The following ZNF398 variants were observed in gnomAD, a reference collection of about 807,000 sequenced individuals.
ZNF398 encodes zinc finger DNA binding protein ZER6.
A neutral mutation model predicts 41.9 loss-of-function variants in ZNF398; 18 were observed. The observed-to-expected ratio is 0.43, with a 90% CI of 0.30 to 0.64. ZNF398 has a LOEUF of 0.64. ZNF398 is among the 30% of genes least tolerant of loss of function. ZNF398 has a pLI of 0.14. For missense variants in ZNF398, 669 were observed against 822.8 expected, an observed-to-expected ratio of 0.81 and a Z score of 2.29; for synonymous variants, 260 against 308.8, an observed-to-expected ratio of 0.84 and a Z score of 1.66.
chr7:149,149,485 A>G (rs564445489), intron 1 of ZNF398, among the ~76,000 whole-genome samples: 1 of 151,890 alleles, frequency 6.6e-6, no homozygotes, highest in Non-Finnish European at 1.5e-5. Context: ...GCCCGCTGGG[A>G]TCCAAAGTGC....
In ZNF398 at chr7:149,139,204, C is replaced by T. The variant is rs544729903; in HGVS notation, c.-490+10260C>T. Reference sequence around the variant, plus strand: ...GGATTATAGGCACAAGCCACTGCGCCCAGCCAATTTTTTTTTTTTAAGTTT... The same window carrying T: ...GGATTATAGGCACAAGCCACTGCGCTCAGCCAATTTTTTTTTTTTAAGTTT... On this transcript the variant is annotated intron_variant, in intron 2 of 6. Coordinates refer to the ZNF398 transcript ENST00000426851. Among the ~76,000 whole-genome samples, 4 of 152,118 alleles carry T rather than the reference C, an allele frequency of 2.6e-5. No homozygotes were observed. The South Asian group carries it at 8.3e-4, about 32-fold the overall frequency.
chr7:149,132,458 C>G (rs111532888), intron 2 of ZNF398, among the ~76,000 whole-genome samples: 2 of 152,002 alleles, frequency 1.3e-5, no homozygotes, highest in African/African-American at 4.8e-5. Flanking sequence ...CCTCCCAAAG[C>G]GCTGGGAATA....
In ZNF398 at chr7:149,154,289, G is replaced by T; in HGVS notation, c.369G>T (p.Arg123Ser). The T allele has an allele frequency of 6.2e-7, 1 of 1,614,058 alleles. No homozygotes were observed. Among genetic ancestry groups the T allele is most frequent in the Non-Finnish European group, 8.5e-7 (1 of 1,179,998 alleles). Residue 123 changes from arginine (R) to serine (S), a missense_variant, in exon 2 of 6, where the codon AGG becomes AGT. Arg to Ser is a moderately radical substitution (Grantham distance 110). This residue lies in a region of ZNF398 where 169 missense variants were observed against 239.5 expected (regional missense o/e 0.71). Transcript: ENST00000475153. ...LENLENLLRNRNFWILRLPPG... is the reference protein window; with the variant it reads ...LENLENLLRNSNFWILRLPPG... ...ACTTGGAGAACCTGCTGCGCAACAG[G>T]AACTTCTGGATCCTGCGGCTCCCTC...
At chr7:149,146,107 G>C (rs1370472358), upstream of ZNF398, among the ~76,000 whole-genome samples, 3 of 151,900 alleles carry the variant, frequency 2.0e-5, no homozygotes, top group African/African-American at 4.8e-5. Flanking sequence ...CACCACGCCC[G>C]GCTAATTTTT....
At chr7:149,147,057 C>G (rs1371604096), upstream of ZNF398, 1 of 152,312 alleles carries the variant, frequency 6.6e-6, no homozygotes, top group Non-Finnish European at 1.5e-5. This position sits in a 1 kb window ranked among gnomAD's most constrained non-coding sequence, Gnocchi z 5.6. Flanking sequence ...CTCCGTCACT[C>G]ATTCCACCCA....
intron 4 of ZNF398, among the ~76,000 whole-genome samples, chr7:149,167,634 C>CTTTTTTTTT (rs1163487497): frequency 7.5e-6 from 1 of 133,972 alleles, no homozygotes; most frequent in Non-Finnish European, 1.6e-5. Flanking sequence ...TTTTTCTTTT[C>CTTTTTTTTT]TTTTTTTTTT....
rs1795615289 is a variant in ZNF398 at position 149,182,553 on chromosome 7, G to C, written c.*2752G>C. On this transcript the variant is annotated 3_prime_UTR_variant, in exon 6 of 6. Transcript: ENST00000475153. ...TCAGTTAAAGAAATACATGAGAACT[G>C]CTTGTCATGACCAGACAAGATAGGA... 1 of 152,206 alleles carries C rather than the reference G, an allele frequency of 6.6e-6. No homozygotes were observed. Among genetic ancestry groups the C allele is most frequent in the East Asian group, 1.9e-4 (1 of 5,196 alleles). 9.4% of individuals were successfully genotyped at this position (152,206 alleles called of 1,614,324 possible). A position where few individuals can be genotyped will look rare whatever the true frequency, so the allele number is the denominator to read the frequency against.
At chr7:149,169,179 G>A (rs972715929) in intron 4 of ZNF398, among the ~76,000 whole-genome samples, 15 of 152,216 alleles carry the variant, frequency 9.9e-5, no homozygotes, top group Non-Finnish European at 1.6e-4. Flanking sequence ...TTTTACCATG[G>A]GTTTTCAAGA....
chr7:149,138,707 A>G (rs2129519503), intron 2 of ZNF398, among the ~76,000 whole-genome samples: 1 of 152,328 alleles, frequency 6.6e-6, no homozygotes, highest in African/African-American at 2.4e-5. Flanking sequence ...GATAAGAACC[A>G]AAATGCTTCG....
upstream of ZNF398, among the ~76,000 whole-genome samples, chr7:149,145,942 CTTTTT>C (rs34950278): frequency 3.9e-5 from 4 of 103,090 alleles, no homozygotes; most frequent in East Asian, 6.7e-4. Flanking sequence ...CTCGCAGGTC[CTTTTT>C]TTTTTTTTTT....
At chr7:149,134,117 T>A (rs1479387791) in intron 2 of ZNF398, among the ~76,000 whole-genome samples, 2 of 144,336 alleles carry the variant, frequency 1.4e-5, no homozygotes, top group Admixed American at 1.4e-4. Context: ...CAGGGTGGAG[T>A]GCAATGGTGT....
In ZNF398 at chr7:149,160,299, T is replaced by C. The variant is rs528641636; in HGVS notation, c.421-5859T>C. 6.0e-3 allele frequency among the ~76,000 whole-genome samples: 917 copies of C among 152,090 alleles called. 5 individuals are homozygous for C. Among genetic ancestry groups the C allele is most frequent in the East Asian group, 8.0e-3 (41 of 5,138 alleles). ...ACAAAAAAGTAGCCAGATGTGGTGG[T>C]GGGGGCCTGTAGTCCCAGCTACTTG... is the stretch of plus-strand genomic sequence containing the variant. On this transcript the variant is annotated intron_variant, in intron 2 of 5. Transcript: ENST00000475153.
intron 1 of ZNF398, among the ~76,000 whole-genome samples, chr7:149,127,777 A>T (rs1392589215): frequency 6.6e-6 from 1 of 152,118 alleles, no homozygotes; most frequent in Non-Finnish European, 1.5e-5. Context: ...AAGTTCTATG[A>T]ATTTTCACAT....
At chr7:149,159,231 C>A (rs979069852) in intron 2 of ZNF398, among the ~76,000 whole-genome samples, 2 of 151,888 alleles carry the variant, frequency 1.3e-5, no homozygotes, top group African/African-American at 4.8e-5. Context: ...TGTGAGCCAC[C>A]GCGCCTGGCC....
intron 2 of ZNF398, among the ~76,000 whole-genome samples, chr7:149,140,480 G>A (rs1441031808): frequency 1.3e-5 from 2 of 152,054 alleles, no homozygotes; most frequent in Non-Finnish European, 2.9e-5. Context: ...TGCCTTCCAG[G>A]TTCAAGCGAT....
intron 4 of ZNF398, among the ~76,000 whole-genome samples, chr7:149,173,093 A>ATTTTTTTT (rs71192762): frequency 1.5e-5 from 1 of 64,958 alleles, no homozygotes; most frequent in Non-Finnish European, 2.8e-5. Context: ...GGCAATTTCT[A>ATTTTTTTT]TTTTTTTTTT....
chr7:149,147,772 G>A lies in ZNF398; in HGVS notation c.24+6G>A, dbSNP rs1222548805. 1.5e-5 allele frequency: 21 copies of A among 1,393,830 alleles called. No individual in the cohort carries two copies. The highest frequency in any genetic ancestry group is 2.0e-5 in the Non-Finnish European group (21 of 1,072,000). 86.3% of individuals were successfully genotyped at this position (1,393,830 alleles called of 1,614,324 possible). A position where few individuals can be genotyped will look rare whatever the true frequency, so the allele number is the denominator to read the frequency against. ...CTGAGGCGGCCCCGGCCCCGGTAAG[G>A]GCGGCCGCGCGCGAGTGTTGTGAGC... is the stretch of plus-strand genomic sequence containing the variant. On this transcript the variant is annotated splice_donor_region_variant and intron_variant, in intron 1 of 5. Transcript: ENST00000475153. The surrounding 1 kb of genome is among the most constrained non-coding windows in gnomAD (Gnocchi z 5.6).
At chr7:149,149,618 GCTTT>G (rs1346126886) in intron 1 of ZNF398, among the ~76,000 whole-genome samples, 34 of 152,226 alleles carry the variant, frequency 2.2e-4, no homozygotes, top group African/African-American at 8.2e-4. Flanking sequence ...TGGGAAGACA[GCTTT>G]AGCCCAGGAG....
chr7:149,143,748 G>T (rs756035361), upstream of ZNF398, among the ~76,000 whole-genome samples: 2 of 152,106 alleles, frequency 1.3e-5, no homozygotes, highest in South Asian at 2.1e-4. Flanking sequence ...GGAGGCAGAG[G>T]TTCCAGTGAG....
Sources: allele counts gnomAD v4.1 joint callset (sites outside exome capture counted in the v4.1 genomes callset), GRCh38; gene constraint gnomAD v4.1.1; regional missense constraint gnomAD v4.1.1; non-coding constraint Gnocchi (gnomAD v3.1); transcripts MANE v1.5; gene names NCBI Gene and HGNC (gene_info 2026-07-23, HGNC 2026-07-21).